The following FAM217A variants were observed in gnomAD, a reference collection of about 807,000 sequenced individuals.
FAM217A encodes family with sequence similarity 217 member A, also known as protein FAM217A.
FAM217A carries 13 observed loss-of-function variants against 18.5 expected under a neutral mutation model. The ratio of observed to expected loss-of-function variants is 0.70; its 90% CI spans 0.46 to 1.12. The LOEUF (loss-of-function observed/expected upper bound fraction) is 1.12, where lower values mean the gene tolerates loss of function less well. FAM217A is among the 50% of genes most tolerant of loss of function. The pLI is 0.00. For missense variants in FAM217A, 560 were observed against 575.4 expected (o/e 0.97, Z 0.27); for synonymous variants, 161 against 202.8 (o/e 0.79, Z 1.75).
chr6:4,081,488 T>G (rs1479245934), upstream of FAM217A, among the ~76,000 whole-genome samples: 3 of 152,110 alleles, frequency 2.0e-5, no homozygotes, highest in Non-Finnish European at 2.9e-5. Flanking sequence ...ATTTTTTGTA[T>G]TTTTAGTAGA....
At chr6:4,086,245 A>C (rs1770649960) in intron 1 of FAM217A, among the ~76,000 whole-genome samples, 1 of 152,096 alleles carries the variant, frequency 6.6e-6, no homozygotes, top group Admixed American at 6.6e-5. Flanking sequence ...TCAGGAGTTC[A>C]AGACCAGCCT....
rs535910976 is a variant in FAM217A at position 4,087,013 on chromosome 6, T to C, written c.15A>G (p.Thr5=). ...AGTAACTAGTTTGGCTTCTTACCTG[T>C]GTTAATCTGGGCATTTCCTCAGTTT... Residue 5 remains threonine, a synonymous_variant, in exon 1 of 9, where the codon ACA becomes ACG. Coordinates refer to the FAM217A transcript ENST00000639338. 2.5e-5 allele frequency: 10 copies of C among 399,144 alleles called. No individual in the cohort carries two copies. The East Asian group carries it at 3.2e-4, about 13-fold the overall frequency. 24.7% of individuals were successfully genotyped at this position (399,144 alleles called of 1,614,324 possible). A position where few individuals can be genotyped will look rare whatever the true frequency, so the allele number is the denominator to read the frequency against.
chr6:4,086,182 C>G (rs1770645263), intron 1 of FAM217A, among the ~76,000 whole-genome samples: 1 of 151,366 alleles, frequency 6.6e-6, no homozygotes, highest in South Asian at 2.1e-4. Context: ...CGAGGTGGCT[C>G]ACACCTGTAA....
chr6:4,068,693 G>T lies in FAM217A; in HGVS notation c.*3C>A. Reference sequence around the variant, plus strand: ...TCACATTGAGATGTATGAAAGAAAAGAGTTATTTTTGTTCAATGGGTGAGC... The same window carrying T: ...TCACATTGAGATGTATGAAAGAAAATAGTTATTTTTGTTCAATGGGTGAGC... On this transcript the variant is annotated 3_prime_UTR_variant, in exon 7 of 7. Transcript: ENST00000274673. The T allele has an allele frequency of 6.3e-7, 1 of 1,587,570 alleles. No individual in the cohort carries two copies. The highest frequency in any genetic ancestry group is 1.2e-5 in the South Asian group (1 of 85,742).
At chr6:4,086,404 CCATTACACTCCTGCCTGGG>C (rs1469270603) in intron 1 of FAM217A, among the ~76,000 whole-genome samples, 1 of 146,186 alleles carries the variant, frequency 6.8e-6, no homozygotes, top group Non-Finnish European at 1.5e-5. Flanking sequence ...CGAGATCACG[CCATTACACTCCTGCCTGGG>C]CAACAAGAGC....
rs145794965 is a variant in FAM217A, at chr6:4,069,312, T to G, written c.911A>C (p.Glu304Ala). The G allele has an allele frequency of 1.2e-5, 20 of 1,614,086 alleles. No individual in the cohort carries two copies. Among genetic ancestry groups the G allele is most frequent in the Non-Finnish European group, 1.4e-5 (17 of 1,180,044 alleles). ...ERLQHMTIQK[E>A]RPRLQTTFCT... is the part of the protein sequence containing the mutation. Reference sequence around the variant, plus strand: ...GAAAGTCGTTTGTAGTCTTGGCCTCTCTTTTTGAATAGTCATATGTTGTAA... The same window carrying G: ...GAAAGTCGTTTGTAGTCTTGGCCTCGCTTTTTGAATAGTCATATGTTGTAA... Residue 304 changes from glutamate (E) to alanine (A), a missense_variant, in exon 7 of 7, where the codon GAG (glutamate) becomes GCG (alanine). Glu to Ala is a moderately radical substitution (Grantham distance 107). Coordinates refer to ENST00000274673, the MANE Select transcript of FAM217A (RefSeq NM_173563.3).
At chr6:4,079,393 G>A (rs576670383), upstream of FAM217A, 1,762 of 309,748 alleles carry the variant, frequency 5.7e-3, 57 homozygotes, top group South Asian at 0.035. Context: ...ATCCTGGCCT[G>A]AAGGGGCCGC....
chr6:4,075,142 T>G (rs1193157202), intron 2 of FAM217A, among the ~76,000 whole-genome samples: 3 of 152,058 alleles, frequency 2.0e-5, no homozygotes, highest in Non-Finnish European at 4.4e-5. Flanking sequence ...GAGACCAGCC[T>G]GGCCAACATG....
chr6:4,074,380 G>C lies in FAM217A; in HGVS notation c.159+63C>G, dbSNP rs976590849. On this transcript the variant is annotated intron_variant, in intron 4 of 6. Transcript: ENST00000274673. ...CTTTCAGGAAGAAAATTTTTTTAAA[G>C]AACATACTTATTTTAAAATCGTATG... 16 of 1,406,004 alleles carry C rather than the reference G, an allele frequency of 1.1e-5. No homozygotes were observed. The African/African-American group carries it at 2.1e-4, about 18-fold the overall frequency. The allele number at this position is 1,406,004 out of a possible 1,614,324, so 87.1% of individuals were successfully genotyped here. A position where few individuals can be genotyped will look rare whatever the true frequency, so the allele number is the denominator to read the frequency against.
At chr6:4,085,977 T>A (rs1770631654) in intron 1 of FAM217A, among the ~76,000 whole-genome samples, 1 of 151,748 alleles carries the variant, frequency 6.6e-6, no homozygotes, top group African/African-American at 2.4e-5. Flanking sequence ...TAGCTGGGCG[T>A]AGTGATGCAC....
At chr6:4,084,760 C>A in exon 2 of FAM217A, 10 of 702,954 alleles carry the variant, frequency 1.4e-5, no homozygotes, top group Non-Finnish European at 2.6e-6. Flanking sequence ...TCTTGTCACA[C>A]CCACCATGGC....
intron 2 of FAM217A, chr6:4,084,526 A>T: frequency 2.9e-6 from 2 of 696,158 alleles, no homozygotes; most frequent in Non-Finnish European, 5.2e-6. Context: ...TCCTAGCCTT[A>T]TATCACAAAT....
chr6:4,082,106 C>A (rs1770339478), upstream of FAM217A, among the ~76,000 whole-genome samples: 1 of 152,176 alleles, frequency 6.6e-6, no homozygotes, highest in South Asian at 2.1e-4. Flanking sequence ...TCATGGCTGG[C>A]CATTCCCTCA....
chr6:4,068,782 T>C lies in FAM217A; in HGVS notation c.1441A>G (p.Arg481Gly). 4 of 1,614,160 alleles carry C rather than the reference T, an allele frequency of 2.5e-6. No individual in the cohort carries two copies. Among genetic ancestry groups the C allele is most frequent in the Non-Finnish European group, 3.4e-6 (4 of 1,179,990 alleles). Reference protein sequence around the residue: ...KLYRQNIVLNRPFSIQKLNCL... With the variant: ...KLYRQNIVLNGPFSIQKLNCL... ...TTTAGCTTCTGAATAGAGAATGGTC[T>C]ATTCAACACTATATTTTGTCGGTAA... Residue 481 changes from arginine (R) to glycine (G), a missense_variant, in exon 7 of 7, where the codon AGA becomes GGA. Arg to Gly is a moderately radical substitution (Grantham distance 125). Coordinates refer to ENST00000274673, the MANE Select transcript of FAM217A (RefSeq NM_173563.3).
rs1043770752 is a variant in FAM217A, at chr6:4,072,022, A to G, written c.302+1253T>C. 2.0e-5 allele frequency among the ~76,000 whole-genome samples: 3 copies of G among 152,176 alleles called. 1 individual carries two copies. Among genetic ancestry groups the G allele is most frequent in the South Asian group, 4.1e-4 (2 of 4,830 alleles). Reference sequence around the variant, plus strand: ...CTTCTAGCTAGTCTTAATGCACGATAAAGTTTAAGAATCAAAAAAATAAGA... The same window carrying G: ...CTTCTAGCTAGTCTTAATGCACGATGAAGTTTAAGAATCAAAAAAATAAGA... On this transcript the variant is annotated intron_variant, in intron 6 of 6. Transcript: ENST00000274673.
At chr6:4,076,863 G>C (rs1016426165) in intron 2 of FAM217A, among the ~76,000 whole-genome samples, 1 of 152,154 alleles carries the variant, frequency 6.6e-6, no homozygotes, top group East Asian at 1.9e-4. Context: ...GGAAGACTAA[G>C]TCTCGTCTCC....
chr6:4,080,076 G>T (rs559663658), upstream of FAM217A, among the ~76,000 whole-genome samples: 26 of 152,196 alleles, frequency 1.7e-4, no homozygotes, highest in Middle Eastern at 3.4e-3. Flanking sequence ...TACAGCAAAT[G>T]AATACTAAAC....
intron 2 of FAM217A, 61 bp downstream of exon 2, chr6:4,077,294 G>A (rs574779482): frequency 7.3e-5 from 114 of 1,554,462 alleles, no homozygotes; most frequent in East Asian, 1.1e-4. Flanking sequence ...CTCCATGGGA[G>A]TTACGTGTTA....
intron 1 of FAM217A, 26 bp downstream of exon 1, chr6:4,078,826 C>G: frequency 2.2e-6 from 1 of 448,788 alleles, no homozygotes; most frequent in Non-Finnish European, 4.0e-6. Context: ...CTGCGGGATT[C>G]CCCGGGGCCG....
Sources: gnomAD v4.1 joint callset for allele counts (sites outside exome capture counted in the v4.1 genomes callset) on GRCh38, gnomAD v4.1.1 for gene constraint, MANE v1.5 for transcripts, NCBI Gene and HGNC (gene_info 2026-07-23, HGNC 2026-07-21) for gene names.